Variants in GALNT13 observed in about 807,000 individuals in gnomAD.
GALNT13 encodes UDP-GalNAc:polypeptide N-acetylgalactosaminyltransferase 13.
A neutral mutation model predicts 64.2 loss-of-function variants in GALNT13; 28 were observed. The observed-to-expected ratio is 0.44, with a 90% confidence interval of 0.32 to 0.60. GALNT13 has a LOEUF of 0.60. Among genes scored for constraint, GALNT13 ranks in the 20% least tolerant of loss-of-function variants. GALNT13 has a pLI of 0.05. For synonymous variants in GALNT13, 214 were observed against 224.6 expected, an observed-to-expected ratio of 0.95 and a Z score of 0.42; for missense variants, 577 against 669.8, an observed-to-expected ratio of 0.86 and a Z score of 1.53.
At chr2:153,622,057 T>A in the GALNT13 span, among the ~76,000 whole-genome samples, 33 of 152,172 alleles carry the variant, frequency 2.2e-4, no homozygotes, top group African/African-American at 8.0e-4. Flanking sequence ...CTGGTAAGTA[T>A]TTATGCTGAT....
chr2:154,316,914 A>G (rs1694348756), intron 9 of GALNT13, among the ~76,000 whole-genome samples: 1 of 152,172 alleles, frequency 6.6e-6, no homozygotes, highest in Non-Finnish European at 1.5e-5. Flanking sequence ...TGGAGCTTTG[A>G]CTTGAAAATA....
chr2:154,175,755 TGAG>T (rs1685612099), intron 4 of GALNT13, among the ~76,000 whole-genome samples: 1 of 152,184 alleles, frequency 6.6e-6, no homozygotes, highest in African/African-American at 2.4e-5. Flanking sequence ...ATCTCTATCT[TGAG>T]GTACTTCTAA....
intron 3 of GALNT13, among the ~76,000 whole-genome samples, chr2:153,958,170 G>A (rs1014254376): frequency 2.0e-5 from 3 of 152,148 alleles, no homozygotes; most frequent in Non-Finnish European, 2.9e-5. Context: ...GATGAGGTGT[G>A]CCTGATGTCC....
At chr2:154,167,839 A>G (rs1013687686) in intron 4 of GALNT13, among the ~76,000 whole-genome samples, 1 of 152,170 alleles carries the variant, frequency 6.6e-6, no homozygotes, top group Non-Finnish European at 1.5e-5. Flanking sequence ...AATCCTATGG[A>G]TGGTACCCTG....
At chr2:153,639,090 G>A in the GALNT13 span, among the ~76,000 whole-genome samples, 22 of 151,596 alleles carry the variant, frequency 1.5e-4, no homozygotes, top group Admixed American at 1.4e-3. Context: ...TTTTGGTCAG[G>A]CACTGCTGTG....
chr2:153,627,047 A>G, the GALNT13 span, among the ~76,000 whole-genome samples: 3 of 152,106 alleles, frequency 2.0e-5, no homozygotes, highest in Admixed American at 2.0e-4. Context: ...GGGATGAGGA[A>G]TAAGTGCAGC....
the GALNT13 span, among the ~76,000 whole-genome samples, chr2:153,854,856 AT>A: frequency 6.6e-6 from 1 of 152,324 alleles, no homozygotes; most frequent in Admixed American, 6.5e-5. Flanking sequence ...AATCAGTTCA[AT>A]TTTGGAAAGG....
chr2:154,042,128 A>G (rs72868468), intron 3 of GALNT13, among the ~76,000 whole-genome samples: 6,615 of 140,294 alleles, frequency 0.047, 1,395 homozygotes, highest in Non-Finnish European at 0.072. Context: ...GAGATTATAT[A>G]CTTAGTATAA....
chr2:153,547,520 G>T, the GALNT13 span, among the ~76,000 whole-genome samples: 2 of 152,164 alleles, frequency 1.3e-5, no homozygotes, highest in Admixed American at 1.3e-4. Flanking sequence ...CACAGGTAGA[G>T]TCTTAATATA....
chr2:154,332,002 T>G (rs1695191206), intron 9 of GALNT13, among the ~76,000 whole-genome samples: 1 of 152,260 alleles, frequency 6.6e-6, no homozygotes, highest in African/African-American at 2.4e-5. Flanking sequence ...CGTGATCTAT[T>G]TCAGGCTTTA....
intron 3 of GALNT13, among the ~76,000 whole-genome samples, chr2:154,090,080 AT>A (rs1377595736): frequency 1.3e-5 from 2 of 152,106 alleles, no homozygotes; most frequent in Non-Finnish European, 2.9e-5. Flanking sequence ...CAATATTATC[AT>A]TTGTGTAAAA....
intron 10 of GALNT13, among the ~76,000 whole-genome samples, chr2:154,404,354 A>T (rs574862119): frequency 6.6e-6 from 1 of 152,364 alleles, no homozygotes; most frequent in African/African-American, 2.4e-5. Flanking sequence ...ATTAAAACAG[A>T]AAACGACTAG....
chr2:153,949,414 G>C (rs1178334839), intron 3 of GALNT13, among the ~76,000 whole-genome samples: 1 of 151,938 alleles, frequency 6.6e-6, no homozygotes, highest in Non-Finnish European at 1.5e-5. Flanking sequence ...GGTGGTGTGT[G>C]CCTGTAATCC....
the GALNT13 span, among the ~76,000 whole-genome samples, chr2:153,291,986 T>C: frequency 6.6e-6 from 1 of 152,150 alleles, no homozygotes; most frequent in Non-Finnish European, 1.5e-5. Flanking sequence ...CAAGAAGCAT[T>C]TTGAAAAAGG....
chr2:153,534,620 T>TG, the GALNT13 span, among the ~76,000 whole-genome samples: 32 of 137,406 alleles, frequency 2.3e-4, 1 homozygote, highest in Admixed American at 1.5e-3. Flanking sequence ...GAGATAAGGG[T>TG]GGGCCGTTTT....
the GALNT13 span, among the ~76,000 whole-genome samples, chr2:153,542,773 AG>A: frequency 5.3e-5 from 8 of 152,360 alleles, no homozygotes; most frequent in South Asian, 1.7e-3. Context: ...ATCTGACAAA[AG>A]TTTGGTCAAG....
chr2:153,138,834 T>C, the GALNT13 span, among the ~76,000 whole-genome samples: 1 of 152,106 alleles, frequency 6.6e-6, no homozygotes, highest in Non-Finnish European at 1.5e-5. Flanking sequence ...GATTAACAGT[T>C]ACATGATTTT....
intron 8 of GALNT13, among the ~76,000 whole-genome samples, chr2:154,267,059 T>C (rs1052064585): frequency 6.6e-6 from 1 of 152,096 alleles, no homozygotes; most frequent in African/African-American, 2.4e-5. Flanking sequence ...CGTGGACAAC[T>C]GATTTCTAAC....
intron 3 of GALNT13, among the ~76,000 whole-genome samples, chr2:153,982,833 C>G (rs1331794041): frequency 6.6e-6 from 1 of 150,778 alleles, no homozygotes; most frequent in African/African-American, 2.4e-5. Flanking sequence ...CATATTTAAT[C>G]TGTCTGGGGA....
Sources: gnomAD v4.1 joint callset for allele counts (sites outside exome capture counted in the v4.1 genomes callset) on GRCh38, gnomAD v4.1.1 for gene constraint, MANE v1.5 for transcripts, NCBI Gene and HGNC (gene_info 2026-07-23, HGNC 2026-07-21) for gene names.